Variants in LAMA4 observed in about 807,000 individuals in gnomAD.
The protein encoded by LAMA4 is laminin subunit alpha 4, also known as laminin subunit alpha-4.
LAMA4 carries 127 observed loss-of-function variants against 207.1 expected under a neutral mutation model. The ratio of observed to expected loss-of-function variants is 0.61; its 90% CI spans 0.53 to 0.71. LAMA4 has a LOEUF of 0.71. LAMA4 is among the 30% of genes least tolerant of loss of function. The pLI is 0.00. For synonymous variants in LAMA4, 761 were observed against 816.0 expected (o/e 0.93, Z 1.15); for missense variants, 2,093 against 2,246.5 (o/e 0.93, Z 1.38).
chr6:112,245,829 AAAG>A (rs1786872141), intron 2 of LAMA4, among the ~76,000 whole-genome samples: 1 of 152,216 alleles, frequency 6.6e-6, no homozygotes. Context: ...CTGGGAGTGA[AAAG>A]AAGGTCATTT....
rs187082822 is a variant in LAMA4, at chr6:112,125,735, A to G, written c.4287+3187T>C. Among the ~76,000 whole-genome samples the G allele has an allele frequency of 2.6e-5, 4 of 152,342 alleles. No homozygotes were observed. The East Asian group carries it at 7.7e-4, about 29-fold the overall frequency. On this transcript the variant is annotated intron_variant, in intron 31 of 38. Transcript: ENST00000230538. ...TAAAGATTTGTTCAGCAACATACTC[A>G]AAGATTTACCTACAAAGATCTTTGG...
At chr6:112,158,397 CTT>C (rs1780847546) in intron 14 of LAMA4, 7 of 341,898 alleles carry the variant, frequency 2.0e-5, no homozygotes, top group Non-Finnish European at 3.9e-5. Flanking sequence ...TATACATTGT[CTT>C]TGGTCATCCT....
intron 2 of LAMA4, chr6:112,218,101 A>G (rs1418276788): frequency 1.3e-5 from 2 of 152,188 alleles, no homozygotes; most frequent in East Asian, 3.9e-4. Flanking sequence ...CATGACCCAT[A>G]AAATTGATCT....
chr6:112,241,626 T>G (rs938656680), intron 2 of LAMA4, among the ~76,000 whole-genome samples: 4 of 152,158 alleles, frequency 2.6e-5, no homozygotes, highest in Non-Finnish European at 5.9e-5. Context: ...GGGGTTGTTA[T>G]GAAGAATAAA....
intron 31 of LAMA4, among the ~76,000 whole-genome samples, chr6:112,125,763 A>G (rs782514821): frequency 4.6e-5 from 7 of 152,222 alleles, no homozygotes; most frequent in Non-Finnish European, 8.8e-5. Context: ...ATCTTTGGCT[A>G]TAAAAGGAGA....
chr6:112,171,213 T>G (rs1242573591), intron 12 of LAMA4, among the ~76,000 whole-genome samples: 9 of 151,070 alleles, frequency 6.0e-5, no homozygotes, highest in African/African-American at 2.2e-4. Context: ...TATCTGTCTC[T>G]CCTTTTTTTT....
chr6:112,149,107 T>G (rs142537194), intron 17 of LAMA4, among the ~76,000 whole-genome samples: 28 of 149,040 alleles, frequency 1.9e-4, no homozygotes, highest in African/African-American at 6.8e-4. Context: ...GAATTATAAT[T>G]ATTTTTATTA....
chr6:112,121,728 A>G (rs1778370625), intron 32 of LAMA4: 1 of 380,598 alleles, frequency 2.6e-6, no homozygotes, highest in African/African-American at 2.1e-5. Context: ...ATGATGAGTC[A>G]TTTGAAACTT....
chr6:112,150,944 A>ATC (rs1387188191), intron 16 of LAMA4, among the ~76,000 whole-genome samples: 8 of 152,194 alleles, frequency 5.3e-5, no homozygotes, highest in East Asian at 1.9e-4. Flanking sequence ...AAAGAAAAAA[A>ATC]TCTCTCTCTC....
intron 14 of LAMA4, chr6:112,158,028 C>A (rs1780823633): frequency 6.6e-6 from 1 of 152,070 alleles, no homozygotes; most frequent in African/African-American, 2.4e-5. Flanking sequence ...TTTACTGGTC[C>A]TTTTTTCCTA....
intron 13 of LAMA4, among the ~76,000 whole-genome samples, chr6:112,161,363 G>A (rs1781041734): frequency 6.6e-6 from 1 of 152,152 alleles, no homozygotes. Flanking sequence ...TAGCACAAAG[G>A]GTTTGTAGTA....
Position 112,129,172 on chromosome 6 carries a change from GTGTGTGTGTGTGTGCA to G in LAMA4, c.4134-113_4134-98del, listed in dbSNP as rs66482680. 201,224 of 794,068 alleles carry G rather than the reference GTGTGTGTGTGTGTGCA, an allele frequency of 0.25. 21,134 individuals carry two copies. Among genetic ancestry groups the G allele is most frequent in the East Asian group, 0.33 (10,833 of 32,638 alleles). 49.2% of individuals were successfully genotyped at this position (794,068 alleles called of 1,614,324 possible). On this transcript the variant is annotated intron_variant, in intron 30 of 38. Transcript: ENST00000230538. ...GTGAAAGAGCTTTGGCAATTAAAAT[GTGTGTGTGTGTGTGCA>G]TGTGTGTGTGTGTGTATGTGTGATG...
chr6:112,240,594 T>C (rs2114359065), intron 2 of LAMA4, among the ~76,000 whole-genome samples: 1 of 152,342 alleles, frequency 6.6e-6, no homozygotes, highest in East Asian at 1.9e-4. Context: ...ATTCTCTATG[T>C]CCATGAGTTC....
At chr6:112,123,117 G>A (rs1229241179) in intron 31 of LAMA4, among the ~76,000 whole-genome samples, 2 of 152,164 alleles carry the variant, frequency 1.3e-5, no homozygotes, top group African/African-American at 4.8e-5. Context: ...TAGGTGATGA[G>A]GAGCCACACA....
chr6:112,189,422 G>C (rs1554347814), intron 6 of LAMA4, among the ~76,000 whole-genome samples: 4 of 152,140 alleles, frequency 2.6e-5, no homozygotes, highest in Non-Finnish European at 4.4e-5. Context: ...AGGTGACCCT[G>C]GGCAAAATTG....
intron 17 of LAMA4, among the ~76,000 whole-genome samples, chr6:112,149,615 C>T (rs535610873): frequency 6.6e-6 from 1 of 152,298 alleles, no homozygotes; most frequent in South Asian, 2.1e-4. Flanking sequence ...GCCTCCCCAG[C>T]CATGCAGAAC....
chr6:112,150,873 T>C (rs1780358883), intron 16 of LAMA4, among the ~76,000 whole-genome samples: 3 of 152,160 alleles, frequency 2.0e-5, no homozygotes, highest in Non-Finnish European at 4.4e-5. Context: ...CTTTCTTTGA[T>C]TGAAACATAT....
chr6:112,189,117 TG>T lies in LAMA4; in HGVS notation c.806del (p.Pro269GlnfsTer3). ...ATGTACTGTTATTTTTACTTATGGT[TG>T]GGCAGTCCATGCCTGTAGGGGGTTC... is the stretch of plus-strand genomic sequence containing the variant. Reference protein sequence around the residue: ...GFEPPTGMDCPTISCDKCVWD... With the variant: ...GFEPPTGMDCXTISCDKCVWD... On this transcript the variant is annotated frameshift_variant, in exon 7 of 39. Transcript: ENST00000230538. LOFTEE classifies it high-confidence loss of function. 1 of 1,609,694 alleles carries T rather than the reference TG, an allele frequency of 6.2e-7. No individual in the cohort carries two copies. Among genetic ancestry groups the T allele is most frequent in the Middle Eastern group, 1.7e-4 (1 of 6,048 alleles).
intron 3 of LAMA4, among the ~76,000 whole-genome samples, chr6:112,209,793 T>TA (rs1468450382): frequency 3.3e-5 from 5 of 152,162 alleles, no homozygotes; most frequent in African/African-American, 1.2e-4. Context: ...ATGACAACAA[T>TA]AAAAAAGGTA....
Sources: gnomAD v4.1 joint callset for allele counts (sites outside exome capture counted in the v4.1 genomes callset) on GRCh38, gnomAD v4.1.1 for gene constraint, MANE v1.5 for transcripts, NCBI Gene and HGNC (gene_info 2026-07-23, HGNC 2026-07-21) for gene names.